Variants in FGFR2 observed in about 807,000 individuals in gnomAD.
FGFR2 encodes fibroblast growth factor receptor 2.
In FGFR2, 19 loss-of-function variants were observed where a neutral mutation model predicts 95.9. The observed-to-expected ratio is 0.20, with a 90% confidence interval of 0.14 to 0.29. FGFR2 has a LOEUF of 0.29. Among genes scored for constraint, FGFR2 ranks in the 10% least tolerant of loss-of-function variants. The pLI, the probability that FGFR2 is intolerant of heterozygous loss-of-function variation, is 1.00. For missense variants in FGFR2, 707 were observed against 1,056.9 expected (o/e 0.67, Z 4.59); for synonymous variants, 392 against 393.3 (o/e 1.00, Z 0.04).
chr10:121,580,596 G>A (rs1038974649), intron 2 of FGFR2, among the ~76,000 whole-genome samples: 2 of 152,312 alleles, frequency 1.3e-5, no homozygotes, highest in Admixed American at 1.3e-4. Context: ...GCGGGACACG[G>A]TCCCAGCTGG....
At chr10:121,502,978 C>T (rs41295597) in intron 10 of FGFR2, among the ~76,000 whole-genome samples, 5,479 of 152,252 alleles carry the variant, frequency 0.036, 149 homozygotes, top group South Asian at 0.056. Context: ...TCCCAGGTTA[C>T]CACCACGTGA....
chr10:121,584,947 G>C (rs1306846207), intron 2 of FGFR2, among the ~76,000 whole-genome samples: 2 of 65,882 alleles, frequency 3.0e-5, no homozygotes, highest in Non-Finnish European at 2.9e-5. Flanking sequence ...CACCCCAACC[G>C]ATCCCATAAC....
chr10:121,540,530 C>T (rs760962005), intron 5 of FGFR2, among the ~76,000 whole-genome samples: 6 of 152,118 alleles, frequency 3.9e-5, no homozygotes, highest in Non-Finnish European at 5.9e-5. Flanking sequence ...ACAACGGCAT[C>T]GTTATGCTAA....
rs1589829052 is a variant in FGFR2 at position 121,517,522 on chromosome 10, G to A, written c.940-59C>T. 2 of 1,609,738 alleles carry A rather than the reference G, an allele frequency of 1.2e-6. No homozygotes were observed. Among genetic ancestry groups the A allele is most frequent in the East Asian group, 4.5e-5 (2 of 44,830 alleles). ...ACGACACAGGAATGATTGTGGAGGG[G>A]GCTGTGGAACCACAAGGCGTCGCAC... On this transcript the variant is annotated intron_variant, in intron 7 of 17. Transcript: ENST00000358487. This position sits in a 1 kb window ranked among gnomAD's most constrained non-coding sequence, Gnocchi z 4.7.
chr10:121,479,363 G>A lies in FGFR2; in HGVS notation c.*494C>T. 6.7e-6 allele frequency: 2 copies of A among 298,778 alleles called. No individual in the cohort carries two copies. The highest frequency in any genetic ancestry group is 5.0e-5 in the Admixed American group (1 of 20,128). 18.5% of individuals were successfully genotyped at this position (298,778 alleles called of 1,614,324 possible). A position where few individuals can be genotyped will look rare whatever the true frequency, so the allele number is the denominator to read the frequency against. ...AGCAAATAGCTATTAAAAAAAGAGAGACCAATTTTCTAGGTGCATTGGGAC... is the reference window on the plus strand; with the variant it reads ...AGCAAATAGCTATTAAAAAAAGAGAAACCAATTTTCTAGGTGCATTGGGAC... On this transcript the variant is annotated 3_prime_UTR_variant, in exon 18 of 18. Transcript: ENST00000358487.
intron 9 of FGFR2, among the ~76,000 whole-genome samples, chr10:121,504,830 GA>G (rs5788500): frequency 0.87 from 132,493 of 151,856 alleles, 59,788 homozygotes; most frequent in East Asian, 1. Flanking sequence ...GGTTTCTATG[GA>G]AAAAAAAAGA....
rs1845308657 is a variant in FGFR2, at chr10:121,485,611, AC to A, written c.2058-80del. 1 of 1,587,622 alleles carries A rather than the reference AC, an allele frequency of 6.3e-7. No individual in the cohort carries two copies. Among genetic ancestry groups the A allele is most frequent in the Non-Finnish European group, 8.6e-7 (1 of 1,159,442 alleles). ...CTAAACACGCCCAGCTGAGACATAAACACCTCCTCACTTCTGAAGTTCAAAG... is the reference window on the plus strand; with the variant it reads ...CTAAACACGCCCAGCTGAGACATAAAACCTCCTCACTTCTGAAGTTCAAAG... On this transcript the variant is annotated intron_variant, in intron 15 of 17. Transcript: ENST00000358487. This position sits in a 1 kb window ranked among gnomAD's most constrained non-coding sequence, Gnocchi z 4.2.
At chr10:121,557,776 A>C (rs1257281711) in intron 4 of FGFR2, among the ~76,000 whole-genome samples, 3 of 152,176 alleles carry the variant, frequency 2.0e-5, no homozygotes. Context: ...CTACCAAGTA[A>C]AAATCCCAAT....
chr10:121,534,706 TTC>T (rs1442949129), intron 6 of FGFR2, among the ~76,000 whole-genome samples: 2 of 152,140 alleles, frequency 1.3e-5, no homozygotes, highest in Non-Finnish European at 2.9e-5. Context: ...CAAAATGGCA[TTC>T]TGTTTGTTTA....
chr10:121,586,721 G>A (rs1354299368), intron 2 of FGFR2, among the ~76,000 whole-genome samples: 2 of 152,204 alleles, frequency 1.3e-5, no homozygotes, highest in Non-Finnish European at 2.9e-5. Context: ...TCATACTTGT[G>A]TATAAATATT....
At chr10:121,586,621 T>C (rs1400152779) in intron 2 of FGFR2, among the ~76,000 whole-genome samples, 1 of 152,132 alleles carries the variant, frequency 6.6e-6, no homozygotes, top group Non-Finnish European at 1.5e-5. Flanking sequence ...TGGTACCGGT[T>C]TCCCAAAACC....
intron 17 of FGFR2, 144 bp from the exon 18 acceptor site, chr10:121,480,165 TG>T (rs1161171897): frequency 6.4e-6 from 6 of 944,024 alleles, no homozygotes; most frequent in Non-Finnish European, 1.0e-5. Context: ...TCTTGAGATG[TG>T]GGTATTGGAC....
chr10:121,483,403 T>C (rs1392792336), intron 17 of FGFR2, among the ~76,000 whole-genome samples: 1 of 152,192 alleles, frequency 6.6e-6, no homozygotes, highest in Non-Finnish European at 1.5e-5. Flanking sequence ...TGAATACTGC[T>C]TCCCCTTTCC....
chr10:121,594,915 G>A (rs1157987217), intron 1 of FGFR2, among the ~76,000 whole-genome samples: 1 of 152,174 alleles, frequency 6.6e-6, no homozygotes, highest in African/African-American at 2.4e-5. Flanking sequence ...GTTAGAAGAG[G>A]ACACTCAACT....
intron 6 of FGFR2, among the ~76,000 whole-genome samples, chr10:121,535,287 C>T (rs1297840950): frequency 6.6e-6 from 1 of 152,080 alleles, no homozygotes; most frequent in Admixed American, 6.5e-5. Flanking sequence ...TTAGGGGTAC[C>T]CTAGGAAACC....
intron 3 of FGFR2, 31 bp downstream of exon 3, chr10:121,565,407 G>A (rs2135107893): frequency 3.1e-6 from 5 of 1,613,264 alleles, no homozygotes; most frequent in Non-Finnish European, 4.2e-6. Flanking sequence ...CTACAGAGAA[G>A]AGAGAGCATA....
chr10:121,523,613 C>G (rs1217062768), intron 6 of FGFR2, among the ~76,000 whole-genome samples: 11 of 152,164 alleles, frequency 7.2e-5, no homozygotes, highest in Admixed American at 7.2e-4. Context: ...ATGCACCTAG[C>G]AAATAGTAAG....
Position 121,573,370 on chromosome 10 carries a change from G to A in FGFR2, c.110-7666C>T, listed in dbSNP as rs563054066. ...TCCCAGGGATGGTGTCTTTTCCAAC[G>A]TCTAGATCATCCTAGTTCCAAGGAT... On this transcript the variant is annotated intron_variant, in intron 2 of 17. Coordinates refer to ENST00000358487, the MANE Select transcript of FGFR2 (RefSeq NM_000141.5). Among the ~76,000 whole-genome samples the A allele has an allele frequency of 5.3e-5, 8 of 152,214 alleles. No homozygotes were observed. The South Asian group carries it at 1.7e-3, about 32-fold the overall frequency.
At chr10:121,585,179 T>G (rs957985293) in intron 2 of FGFR2, among the ~76,000 whole-genome samples, 1 of 152,194 alleles carries the variant, frequency 6.6e-6, no homozygotes, top group Non-Finnish European at 1.5e-5. Context: ...ATTTCAACCT[T>G]GAACCATTTG....
Sources: allele counts gnomAD v4.1 joint callset (sites outside exome capture counted in the v4.1 genomes callset), GRCh38; gene constraint gnomAD v4.1.1; non-coding constraint Gnocchi (gnomAD v3.1); transcripts MANE v1.5; gene names NCBI Gene and HGNC (gene_info 2026-07-23, HGNC 2026-07-21).